KANK1: variants seen among roughly 807,000 people sequenced by gnomAD.
KANK1 encodes the protein KN motif and ankyrin repeat domains 1, also known as KN motif and ankyrin repeat domain-containing protein 1.
KANK1 carries 109 observed loss-of-function variants against 106.2 expected under a neutral mutation model. The observed-to-expected ratio is 1.03, with a 90% confidence interval of 0.88 to 1.20. The LOEUF (loss-of-function observed/expected upper bound fraction) is 1.20. KANK1 is among the 50% of genes most tolerant of loss of function. The pLI is 0.00. For missense variants in KANK1, 2,399 were observed against 1,710.7 expected (o/e 1.40, Z -7.10); for synonymous variants, 873 against 652.2 (o/e 1.34, Z -5.16).
At chr9:563,326 CA>C (rs1390683258) in intron 1 of KANK1, among the ~76,000 whole-genome samples, 1 of 151,962 alleles carries the variant, frequency 6.6e-6, no homozygotes, top group Non-Finnish European at 1.5e-5. Context: ...GTTCTTTGTG[CA>C]TTGTGTTTGG....
intron 6 of KANK1, chr9:734,086 G>A (rs7856311): frequency 0.32 from 40,501 of 128,086 alleles, 6,593 homozygotes; most frequent in Middle Eastern, 0.42. Flanking sequence ...TCCAGCCTGG[G>A]CAACAGAGTG....
chr9:600,508 T>C (rs576275968), intron 1 of KANK1, among the ~76,000 whole-genome samples: 5 of 151,982 alleles, frequency 3.3e-5, no homozygotes, highest in African/African-American at 9.7e-5. Context: ...ATAATCTAAA[T>C]AGAATATAAA....
chr9:702,779 G>A (rs1050932481), intron 2 of KANK1, among the ~76,000 whole-genome samples: 1 of 152,054 alleles, frequency 6.6e-6, no homozygotes, highest in Non-Finnish European at 1.5e-5. Context: ...GAGATTGGTG[G>A]CCTCTCCTGT....
chr9:679,666 C>A (rs117855914), intron 2 of KANK1, among the ~76,000 whole-genome samples: 9 of 152,044 alleles, frequency 5.9e-5, no homozygotes, highest in Non-Finnish European at 1.3e-4. Context: ...CTGCCTACCT[C>A]GGCACTTTGG....
chr9:712,600 G>A lies in KANK1; in HGVS notation c.1834G>A (p.Asp612Asn), dbSNP rs1197583692. ...TGSNTEESVNDLTLLKTNLNL... is the reference protein window; with the variant it reads ...TGSNTEESVNNLTLLKTNLNL... ...CAGCAACACAGAGGAGTCTGTGAAC[G>A]ACCTCACACTCCTCAAGACAAACTT... The change falls in exon 3 of 12, where the codon GAC becomes AAC. Residue 612 changes from aspartate (D) to asparagine (N), a missense_variant. By Grantham distance (23) the Asp-to-Asn change is conservative. Coordinates refer to ENST00000382297, the MANE Select transcript of KANK1 (RefSeq NM_015158.5). 9.9e-6 allele frequency: 16 copies of A among 1,614,004 alleles called. No homozygotes were observed. Among genetic ancestry groups the A allele is most frequent in the South Asian group, 6.6e-5 (6 of 91,056 alleles).
intron 3 of KANK1, among the ~76,000 whole-genome samples, chr9:480,135 C>T (rs1303890814): frequency 6.6e-6 from 1 of 152,210 alleles, no homozygotes; most frequent in African/African-American, 2.4e-5. Flanking sequence ...TGCATTCAGG[C>T]ACAAGCTAAC....
At chr9:635,531 T>C (rs901539951) in intron 1 of KANK1, among the ~76,000 whole-genome samples, 1 of 150,556 alleles carries the variant, frequency 6.6e-6, no homozygotes, top group African/African-American at 2.4e-5. Flanking sequence ...CCTAGTCATA[T>C]CAGCCCCTTG....
At chr9:675,657 C>T (rs1224798386) in intron 1 of KANK1, among the ~76,000 whole-genome samples, 1 of 152,060 alleles carries the variant, frequency 6.6e-6, no homozygotes, top group Non-Finnish European at 1.5e-5. Context: ...GTGCCATGCT[C>T]TATCATTTTG....
At chr9:640,031 C>G (rs1247199484) in intron 1 of KANK1, among the ~76,000 whole-genome samples, 2 of 152,104 alleles carry the variant, frequency 1.3e-5, no homozygotes, top group Non-Finnish European at 2.9e-5. Flanking sequence ...TTGGGAGACA[C>G]AAAACATTGA....
intron 1 of KANK1, among the ~76,000 whole-genome samples, chr9:581,888 G>A (rs1226444459): frequency 2.0e-5 from 3 of 152,176 alleles, no homozygotes; most frequent in African/African-American, 7.2e-5. Context: ...TGCAGCCAGA[G>A]TGCAGGTATG....
At chr9:597,403 C>A (rs1826485753) in intron 1 of KANK1, among the ~76,000 whole-genome samples, 1 of 151,768 alleles carries the variant, frequency 6.6e-6, no homozygotes, top group Non-Finnish European at 1.5e-5. Context: ...TTATAGTCGT[C>A]CTTGTGGGTA....
intron 3 of KANK1, among the ~76,000 whole-genome samples, chr9:720,645 T>C (rs1181630930): frequency 6.6e-6 from 1 of 152,206 alleles, no homozygotes; most frequent in Non-Finnish European, 1.5e-5. Context: ...CGTAAGCCAA[T>C]GCACCCAGCC....
intron 1 of KANK1, among the ~76,000 whole-genome samples, chr9:654,328 C>A (rs932555257): frequency 6.6e-6 from 1 of 152,142 alleles, no homozygotes; most frequent in East Asian, 1.9e-4. Context: ...CCAAATTTTG[C>A]TGAAGACAAG....
intron 1 of KANK1, among the ~76,000 whole-genome samples, chr9:522,946 A>C (rs1229295850): frequency 6.6e-6 from 1 of 151,706 alleles, no homozygotes; most frequent in Non-Finnish European, 1.5e-5. Flanking sequence ...CCCTGAGTTA[A>C]TGTTAGCCTT....
intron 2 of KANK1, among the ~76,000 whole-genome samples, chr9:709,773 G>A (rs916073739): frequency 6.6e-6 from 1 of 151,868 alleles, no homozygotes; most frequent in Non-Finnish European, 1.5e-5. Flanking sequence ...CTGCCACCAT[G>A]CCCAGCCAAT....
intron 1 of KANK1, among the ~76,000 whole-genome samples, chr9:565,575 T>C (rs1220476383): frequency 6.6e-6 from 1 of 152,150 alleles, no homozygotes; most frequent in African/African-American, 2.4e-5. Flanking sequence ...CAGGGGACTA[T>C]AGAATGGATG....
chr9:584,175 T>C (rs1401886200), intron 1 of KANK1, among the ~76,000 whole-genome samples: 1 of 152,168 alleles, frequency 6.6e-6, no homozygotes, highest in Admixed American at 6.5e-5. Context: ...TATTGATCAG[T>C]CATTAAAAAT....
At chr9:658,689 A>G (rs2137938970) in intron 1 of KANK1, among the ~76,000 whole-genome samples, 1 of 152,190 alleles carries the variant, frequency 6.6e-6, no homozygotes, top group East Asian at 1.9e-4. Context: ...CATTATTTTG[A>G]CTATAGATAC....
chr9:577,235 C>T (rs192376921), intron 1 of KANK1, among the ~76,000 whole-genome samples: 6 of 152,322 alleles, frequency 3.9e-5, no homozygotes, highest in Admixed American at 1.3e-4. Context: ...GCCCCGCCCA[C>T]GTCCTGCTGA....
Sources: allele counts gnomAD v4.1 joint callset (sites outside exome capture counted in the v4.1 genomes callset), GRCh38; gene constraint gnomAD v4.1.1; transcripts MANE v1.5; gene names NCBI Gene and HGNC (gene_info 2026-07-23, HGNC 2026-07-21).